The following PCDH11X variants were observed in gnomAD, a reference collection of about 807,000 sequenced individuals.
PCDH11X encodes the protein protocadherin-11 X-linked.
A neutral mutation model predicts 53.3 loss-of-function variants in PCDH11X; 18 were observed. The ratio of observed to expected loss-of-function variants is 0.34; its 90% CI spans 0.23 to 0.50. The LOEUF (loss-of-function observed/expected upper bound fraction) is 0.50, where lower values mean the gene tolerates loss of function less well. Ranked by LOEUF, PCDH11X falls within the 20% of genes least tolerant of loss-of-function variation. PCDH11X has a pLI of 0.98. For missense variants in PCDH11X, 570 were observed against 1,032.4 expected (o/e 0.55, Z 6.14); for synonymous variants, 279 against 393.3 (o/e 0.71, Z 3.44).
At chrX:91,982,546 T>G in intron 6 of PCDH11X, 1 of 426,360 alleles carries the variant, frequency 2.3e-6, no homozygotes, top group Non-Finnish European at 4.1e-6. Context: ...GGTAACATAT[T>G]TAGCAATACT....
chrX:92,308,523 C>T (rs751617984), intron 8 of PCDH11X, among the ~76,000 whole-genome samples: 4 of 110,305 alleles, frequency 3.6e-5, no homozygotes, highest in Non-Finnish European at 7.6e-5. Context: ...TGACCTTAAC[C>T]ATAAGGGGTA....
At chrX:91,872,493 A>G (rs1435110052) in intron 5 of PCDH11X, among the ~76,000 whole-genome samples, 1 of 111,207 alleles carries the variant, frequency 9.0e-6, no homozygotes, top group African/African-American at 3.3e-5. Context: ...ATGTGTTCAC[A>G]TATGCCAGGT....
At chrX:92,452,495 A>G (rs867848040) in intron 9 of PCDH11X, among the ~76,000 whole-genome samples, 27 of 40,422 alleles carry the variant, frequency 6.7e-4, no homozygotes, top group Non-Finnish European at 9.8e-4. Context: ...ATATATATAT[A>G]TATGTTTTTT....
intron 7 of PCDH11X, among the ~76,000 whole-genome samples, chrX:92,210,363 C>T (rs781247973): frequency 1.4e-3 from 145 of 105,188 alleles, no homozygotes; most frequent in African/African-American, 2.9e-3. Context: ...CTCAGTCTCC[C>T]GAGTAGCTGG....
chrX:92,312,082 A>G (rs1338911303), intron 8 of PCDH11X, among the ~76,000 whole-genome samples: 1 of 111,675 alleles, frequency 9.0e-6, no homozygotes, highest in African/African-American at 3.2e-5. Flanking sequence ...AAAATTATTT[A>G]GCATAACCAA....
At chrX:92,383,789 C>T (rs1271317749) in intron 8 of PCDH11X, among the ~76,000 whole-genome samples, 9 of 111,842 alleles carry the variant, frequency 8.0e-5, no homozygotes, top group African/African-American at 2.3e-4. Flanking sequence ...TAAACATACA[C>T]GTGCATGAGT....
At chrX:92,006,274 A>G (rs1269937389) in intron 6 of PCDH11X, among the ~76,000 whole-genome samples, 2 of 109,818 alleles carry the variant, frequency 1.8e-5, no homozygotes, top group Admixed American at 9.8e-5. Flanking sequence ...TCTTGATCCT[A>G]TAGGTGTGCT....
intron 8 of PCDH11X, among the ~76,000 whole-genome samples, chrX:92,358,839 C>A (rs1305287580): frequency 1.8e-5 from 2 of 109,744 alleles, no homozygotes; most frequent in Non-Finnish European, 3.8e-5. Flanking sequence ...ATTATAAATT[C>A]TTCTCATAAG....
rs764510688 is a variant in PCDH11X at position 92,048,930 on chromosome X, C to CT, written c.3034-152444dup. 1.2e-4 allele frequency among the ~76,000 whole-genome samples: 13 copies of CT among 112,188 alleles called. No individual in the cohort carries two copies. In the South Asian group the frequency reaches 4.1e-3, roughly 35 times the overall value. ...TTTGGTTCAGAAAGGTGGGAAAACT[C>CT]TAAGTGAAGGCTTCCAGGCTATTGG... On this transcript the variant is annotated intron_variant, in intron 6 of 10. Transcript: ENST00000682573.
intron 7 of PCDH11X, among the ~76,000 whole-genome samples, chrX:92,238,178 C>T (rs2067204078): frequency 9.0e-6 from 1 of 111,653 alleles, no homozygotes; most frequent in Non-Finnish European, 1.9e-5. Flanking sequence ...CTTTAAAATG[C>T]ATCTTGTGAC....
intron 8 of PCDH11X, among the ~76,000 whole-genome samples, chrX:92,370,322 A>G (rs1458975931): frequency 9.3e-6 from 1 of 107,862 alleles, no homozygotes; most frequent in Non-Finnish European, 1.9e-5. Flanking sequence ...ATGGCCATAT[A>G]TATTATCTAT....
At chrX:92,114,041 G>T (rs1411661018) in intron 6 of PCDH11X, 2 of 1,191,384 alleles carry the variant, frequency 1.7e-6, no homozygotes, top group Non-Finnish European at 2.3e-6. Flanking sequence ...ACCTCAGCAC[G>T]CACATTGGTG....
At chrX:91,834,970 T>C in intron 4 of PCDH11X, 1 of 765,227 alleles carries the variant, frequency 1.3e-6, no homozygotes, top group Non-Finnish European at 1.6e-6. Context: ...TCCAGATCAA[T>C]TTTTTTTCAC....
At chrX:92,549,423 T>A (rs1602309155) in intron 10 of PCDH11X, among the ~76,000 whole-genome samples, 1 of 106,954 alleles carries the variant, frequency 9.3e-6, no homozygotes, top group Admixed American at 1.0e-4. Flanking sequence ...GTGTCTCTGT[T>A]CAGTGCTTAC....
intron 9 of PCDH11X, chrX:92,459,622 C>T (rs374806593): frequency 1.8e-5 from 10 of 563,670 alleles, no homozygotes; most frequent in East Asian, 3.3e-5. Context: ...CCACCATCGT[C>T]GGCAAAGCCT....
intron 7 of PCDH11X, among the ~76,000 whole-genome samples, chrX:92,262,109 T>C (rs1223559794): frequency 9.1e-6 from 1 of 110,284 alleles, no homozygotes; most frequent in Non-Finnish European, 1.9e-5. Context: ...AAAATATACT[T>C]TCTTGGTCTG....
At chrX:92,563,417 C>A (rs888193716) in intron 10 of PCDH11X, among the ~76,000 whole-genome samples, 1 of 108,570 alleles carries the variant, frequency 9.2e-6, no homozygotes, top group Non-Finnish European at 1.9e-5. Flanking sequence ...CTGGCCCCAT[C>A]TCCAATATAT....
At chrX:92,336,983 A>C (rs1333304129) in intron 8 of PCDH11X, among the ~76,000 whole-genome samples, 1 of 111,050 alleles carries the variant, frequency 9.0e-6, no homozygotes, top group Non-Finnish European at 1.9e-5. Context: ...TCCCACTCCA[A>C]GTGACATCAG....
chrX:92,018,217 G>A (rs763461854), intron 6 of PCDH11X, among the ~76,000 whole-genome samples: 1 of 111,501 alleles, frequency 9.0e-6, no homozygotes, highest in African/African-American at 3.3e-5. Context: ...TGATACTAGA[G>A]TTTGTTTTTC....
Sources: gnomAD v4.1 joint callset for allele counts (sites outside exome capture counted in the v4.1 genomes callset) on GRCh38, gnomAD v4.1.1 for gene constraint, MANE v1.5 for transcripts, NCBI Gene and HGNC (gene_info 2026-07-23, HGNC 2026-07-21) for gene names.